HFM1: variants seen among roughly 807,000 people sequenced by gnomAD.
HFM1 encodes probable ATP-dependent DNA helicase HFM1.
HFM1 carries 169 observed loss-of-function variants against 192.1 expected under a neutral mutation model. The ratio of observed to expected loss-of-function variants is 0.88; its 90% CI spans 0.78 to 1.00. The LOEUF (loss-of-function observed/expected upper bound fraction) is 1.00. HFM1 is among the 50% of genes least tolerant of loss of function. HFM1 has a pLI of 0.00. For missense variants in HFM1, 1,661 were observed against 1,668.0 expected, an observed-to-expected ratio of 1.00 and a Z score of 0.07; for synonymous variants, 525 against 537.8, an observed-to-expected ratio of 0.98 and a Z score of 0.33.
intron 7 of HFM1, 59 bp from the exon 8 acceptor site, chr1:91,380,295 A>C: frequency 1.9e-6 from 2 of 1,056,718 alleles, no homozygotes; most frequent in Non-Finnish European, 2.6e-6. Flanking sequence ...CACATTCTCA[A>C]TTTGTTAAAA....
chr1:91,288,035 G>A lies in HFM1; in HGVS notation c.3392-10973C>T, dbSNP rs974715983. 2.0e-5 allele frequency among the ~76,000 whole-genome samples: 3 copies of A among 152,094 alleles called. No homozygotes were observed. In the South Asian group the frequency reaches 6.3e-4, roughly 32 times the overall value. ...ATGTGAAAAGACCAAATCTACGTCT[G>A]ATTGGTGTACCTTAAAGTGACGGGG... is the stretch of plus-strand genomic sequence containing the variant. On this transcript the variant is annotated intron_variant, in intron 30 of 38. Transcript: ENST00000370425.
chr1:91,375,804 G>T, intron 11 of HFM1, 77 bp from the exon 12 acceptor site: 1 of 1,107,062 alleles, frequency 9.0e-7, no homozygotes, highest in Non-Finnish European at 1.4e-6. Flanking sequence ...CAATTACAAA[G>T]CACTTTAAGG....
chr1:91,316,712 A>G (rs894631706), intron 25 of HFM1, among the ~76,000 whole-genome samples: 12 of 152,168 alleles, frequency 7.9e-5, no homozygotes, highest in Admixed American at 3.3e-4. Flanking sequence ...AGAAAGAGAA[A>G]CTCTGGTCCA....
chr1:91,302,583 C>G (rs1343368979), intron 30 of HFM1, among the ~76,000 whole-genome samples: 3 of 152,106 alleles, frequency 2.0e-5, no homozygotes, highest in Admixed American at 6.6e-5. Context: ...CACATATACA[C>G]CAGGGAATAC....
At chr1:91,386,188 T>C (rs546594113) in intron 4 of HFM1, among the ~76,000 whole-genome samples, 1 of 152,290 alleles carries the variant, frequency 6.6e-6, no homozygotes, top group South Asian at 2.1e-4. Context: ...CTTACAAGGC[T>C]AGGTAATAAA....
At chr1:91,362,298 CT>C (rs768521990) in intron 13 of HFM1, among the ~76,000 whole-genome samples, 18 of 152,088 alleles carry the variant, frequency 1.2e-4, no homozygotes, top group Non-Finnish European at 2.4e-4. Flanking sequence ...AAAACGTCAT[CT>C]TCTCAGCACA....
At chr1:91,285,432 C>T (rs576394745) in intron 30 of HFM1, among the ~76,000 whole-genome samples, 1 of 152,120 alleles carries the variant, frequency 6.6e-6, no homozygotes, top group South Asian at 2.1e-4. Flanking sequence ...TTTAATAACA[C>T]CATTTGACAA....
intron 18 of HFM1, 113 bp downstream of exon 18, chr1:91,350,625 T>C: frequency 2.2e-6 from 2 of 928,272 alleles, no homozygotes; most frequent in South Asian, 1.7e-5. Flanking sequence ...TTGTTACCTT[T>C]TGTTTTGTTA....
intron 30 of HFM1, among the ~76,000 whole-genome samples, chr1:91,278,263 T>C (rs1322710920): frequency 6.6e-6 from 1 of 152,032 alleles, no homozygotes; most frequent in African/African-American, 2.4e-5. Context: ...TCCTGACTCC[T>C]CTAAGTTAGA....
chr1:91,299,189 A>C (rs549386445), intron 30 of HFM1, among the ~76,000 whole-genome samples: 1 of 152,326 alleles, frequency 6.6e-6, no homozygotes, highest in Non-Finnish European at 1.5e-5. Context: ...AAAGACACAA[A>C]GGCCATTATA....
At chr1:91,310,758 G>C (rs1650328584) in intron 30 of HFM1, among the ~76,000 whole-genome samples, 1 of 152,120 alleles carries the variant, frequency 6.6e-6, no homozygotes, top group African/African-American at 2.4e-5. Context: ...TTTTTCTCTT[G>C]CCGCCGCCAT....
intron 19 of HFM1, 45 bp downstream of exon 19, chr1:91,347,384 A>G (rs747987631): frequency 1.8e-6 from 2 of 1,124,214 alleles, no homozygotes; most frequent in African/African-American, 3.2e-5. Flanking sequence ...GAACTTTTTC[A>G]CTAAAATATA....
chr1:91,400,764 G>C (rs971660607), intron 2 of HFM1, among the ~76,000 whole-genome samples: 3 of 152,146 alleles, frequency 2.0e-5, no homozygotes, highest in Admixed American at 2.0e-4. Flanking sequence ...GATTACAGGC[G>C]TGAGCCACTG....
chr1:91,334,058 A>T (rs974428997), intron 20 of HFM1, among the ~76,000 whole-genome samples: 11 of 152,222 alleles, frequency 7.2e-5, no homozygotes, highest in Non-Finnish European at 1.5e-4. Flanking sequence ...GTAGAGAGGA[A>T]ATAATGCCAT....
At chr1:91,298,309 T>G (rs1172798868) in intron 30 of HFM1, among the ~76,000 whole-genome samples, 1 of 152,196 alleles carries the variant, frequency 6.6e-6, no homozygotes, top group Non-Finnish European at 1.5e-5. Flanking sequence ...AGTCTACATC[T>G]GATTGGTGTA....
At chr1:91,275,619 G>T (rs1666730487) in intron 32 of HFM1, among the ~76,000 whole-genome samples, 1 of 152,096 alleles carries the variant, frequency 6.6e-6, no homozygotes, top group Non-Finnish European at 1.5e-5. Flanking sequence ...CCAGAAACCT[G>T]GGCATCATTT....
intron 4 of HFM1, among the ~76,000 whole-genome samples, chr1:91,387,614 T>C (rs1029825932): frequency 6.7e-6 from 1 of 149,406 alleles, no homozygotes; most frequent in African/African-American, 2.5e-5. Context: ...ATGTCCTTTG[T>C]AGGGACATGG....
intron 13 of HFM1, among the ~76,000 whole-genome samples, chr1:91,356,862 G>A (rs1657815614): frequency 6.6e-6 from 1 of 152,032 alleles, no homozygotes; most frequent in Non-Finnish European, 1.5e-5. Flanking sequence ...TACAGGAAAT[G>A]GACAAACTCC....
chr1:91,300,186 G>T lies in HFM1; in HGVS notation c.3391+13163C>A, dbSNP rs569841632. Among the ~76,000 whole-genome samples, 249 of 152,302 alleles carry T rather than the reference G, an allele frequency of 1.6e-3. 2 individuals carry two copies. The highest frequency in any genetic ancestry group is 0.014 in the Middle Eastern group (4 of 294). On this transcript the variant is annotated intron_variant, in intron 30 of 38. Transcript: ENST00000370425. ...TGCAAATAAACTAGAAAATCTAGAAGAAATGGATAAATTTCTGGACACATA... is the reference window on the plus strand; with the variant it reads ...TGCAAATAAACTAGAAAATCTAGAATAAATGGATAAATTTCTGGACACATA...
Sources: allele counts gnomAD v4.1 joint callset (sites outside exome capture counted in the v4.1 genomes callset), GRCh38; gene constraint gnomAD v4.1.1; transcripts MANE v1.5; gene names NCBI Gene and HGNC (gene_info 2026-07-23, HGNC 2026-07-21).